The following ZNRF3 variants were observed in gnomAD, a reference collection of about 807,000 sequenced individuals.
ZNRF3 encodes zinc and ring finger 3.
In ZNRF3, 23 loss-of-function variants were observed where a neutral mutation model predicts 72.5. The observed-to-expected ratio is 0.32, with a 90% CI of 0.23 to 0.45. ZNRF3 has a LOEUF of 0.45. Among genes scored for constraint, ZNRF3 ranks in the 20% least tolerant of loss-of-function variants. ZNRF3 has a pLI of 1.00. For synonymous variants in ZNRF3, 610 were observed against 545.3 expected (o/e 1.12, Z -1.65); for missense variants, 1,169 against 1,272.1 (o/e 0.92, Z 1.23).
intron 2 of ZNRF3, among the ~76,000 whole-genome samples, chr22:28,994,905 G>A (rs1360870731): frequency 6.6e-6 from 1 of 152,150 alleles, no homozygotes; most frequent in African/African-American, 2.4e-5. Flanking sequence ...TGAATCCTGG[G>A]GCAAAGCAAA....
At chr22:29,017,025 A>G (rs561262658) in intron 2 of ZNRF3, among the ~76,000 whole-genome samples, 4 of 152,362 alleles carry the variant, frequency 2.6e-5, no homozygotes, top group African/African-American at 9.6e-5. Flanking sequence ...AGTGTCAAAG[A>G]CAGGCCCAGC....
chr22:28,990,758 G>A lies in ZNRF3; in HGVS notation c.426+3557G>A, dbSNP rs373938362. ...GCAAAGGAGTCTATGTTTATGTCCC[G>A]GGCATCTTAACCCTCCAATTCAATC... On this transcript the variant is annotated intron_variant, in intron 2 of 8. Transcript: ENST00000544604. Among the ~76,000 whole-genome samples the A allele has an allele frequency of 5.9e-5, 9 of 152,150 alleles. No individual in the cohort carries two copies. In the South Asian group the frequency reaches 1.0e-3, roughly 18 times the overall value.
chr22:28,947,978 G>A (rs1042067081), intron 1 of ZNRF3, among the ~76,000 whole-genome samples: 1 of 152,046 alleles, frequency 6.6e-6, no homozygotes, highest in African/African-American at 2.4e-5. Context: ...CCAAGTAGCT[G>A]GGACTACAGG....
At chr22:28,913,325 C>T (rs1419682386) in intron 1 of ZNRF3, among the ~76,000 whole-genome samples, 3 of 152,186 alleles carry the variant, frequency 2.0e-5, no homozygotes, top group Admixed American at 6.5e-5. Flanking sequence ...TGTTGAAGAG[C>T]GGTCTTTCAC....
intron 5 of ZNRF3, among the ~76,000 whole-genome samples, chr22:29,045,296 G>A (rs2037045764): frequency 6.7e-6 from 1 of 150,014 alleles, no homozygotes; most frequent in Non-Finnish European, 1.5e-5. Flanking sequence ...AGAGGGCAGA[G>A]GTTGCAATGA....
chr22:29,038,749 A>T (rs1322663223), intron 2 of ZNRF3, among the ~76,000 whole-genome samples: 2 of 152,066 alleles, frequency 1.3e-5, no homozygotes, highest in Admixed American at 6.6e-5. Flanking sequence ...TCCCTTTAGG[A>T]TCTTAGCTTG....
Position 29,006,480 on chromosome 22 carries a change from G to T in ZNRF3, c.426+19279G>T, listed in dbSNP as rs190374677. Among the ~76,000 whole-genome samples the T allele has an allele frequency of 2.7e-3, 412 of 152,266 alleles. 6 individuals are homozygous for T. The Middle Eastern group carries it at 0.041, about 15-fold the overall frequency. On this transcript the variant is annotated intron_variant, in intron 2 of 8. Coordinates refer to ENST00000544604, the MANE Select transcript of ZNRF3 (RefSeq NM_001206998.2). ...GCCTGCCTCGTCCTCCGAAAGTGCT[G>T]GGATTACAGGTGTGAGCCACCGCAC... is the stretch of plus-strand genomic sequence containing the variant.
intron 1 of ZNRF3, among the ~76,000 whole-genome samples, chr22:28,943,682 G>A (rs777246790): frequency 1.3e-5 from 2 of 151,988 alleles, no homozygotes; most frequent in South Asian, 2.1e-4. Context: ...CACATGGGGG[G>A]GGAGGGGTGC....
chr22:28,949,961 A>ATT (rs132560), intron 1 of ZNRF3, among the ~76,000 whole-genome samples: 12 of 150,666 alleles, frequency 8.0e-5, no homozygotes, highest in South Asian at 2.1e-4. Flanking sequence ...GCCACGCAGA[A>ATT]TTTTTTTTTT....
intron 5 of ZNRF3, among the ~76,000 whole-genome samples, chr22:29,046,283 A>G (rs1400169185): frequency 6.6e-6 from 1 of 152,224 alleles, no homozygotes; most frequent in Non-Finnish European, 1.5e-5. Flanking sequence ...ACCCCCAACA[A>G]GATGATGGCT....
chr22:28,919,809 C>T (rs183201598), intron 1 of ZNRF3, among the ~76,000 whole-genome samples: 11 of 151,884 alleles, frequency 7.2e-5, no homozygotes, highest in African/African-American at 2.4e-4. Context: ...ACCTGGCCCC[C>T]TTTACTCTTA....
intron 1 of ZNRF3, among the ~76,000 whole-genome samples, chr22:28,932,409 C>T (rs925102510): frequency 7.2e-5 from 11 of 152,150 alleles, no homozygotes; most frequent in African/African-American, 1.9e-4. Flanking sequence ...CCTGACTTTT[C>T]CTGGTGCCTG....
At chr22:28,977,436 ATCCT>A (rs1317500164) in intron 1 of ZNRF3, among the ~76,000 whole-genome samples, 1 of 152,214 alleles carries the variant, frequency 6.6e-6, no homozygotes, top group African/African-American at 2.4e-5. Context: ...GGGAAAAAAA[ATCCT>A]TATGATTCAA....
intron 1 of ZNRF3, among the ~76,000 whole-genome samples, chr22:28,948,842 T>A (rs538760914): frequency 6.6e-6 from 1 of 152,246 alleles, no homozygotes; most frequent in Non-Finnish European, 1.5e-5. Context: ...GCATTTTGAA[T>A]GGATCTTTTA....
rs1258764501 is a variant in ZNRF3 at position 29,056,323 on chromosome 22, A to T, written c.*2701A>T. The stretch of plus-strand genomic sequence containing the variant: ...TCCATGTTGGTCAGGCTGGTCTTGG[A>T]TTCCCGACCTCAGGTGATCCGCCCA... On this transcript the variant is annotated 3_prime_UTR_variant, in exon 9 of 9. Coordinates refer to ENST00000544604, the MANE Select transcript of ZNRF3 (RefSeq NM_001206998.2). The T allele has an allele frequency of 6.6e-6, 1 of 152,128 alleles. No individual in the cohort carries two copies. The highest frequency in any genetic ancestry group is 1.5e-5 in the Non-Finnish European group (1 of 68,038). The allele number at this position is 152,128 out of a possible 1,614,324, so 9.4% of individuals were successfully genotyped here.
chr22:28,924,231 A>G (rs1177086823), intron 1 of ZNRF3, among the ~76,000 whole-genome samples: 2 of 152,212 alleles, frequency 1.3e-5, no homozygotes, highest in East Asian at 3.8e-4. Context: ...TGGTGGGTCC[A>G]TGGTAGGGCA....
chr22:28,953,299 A>G (rs1046856739), intron 1 of ZNRF3, among the ~76,000 whole-genome samples: 1 of 152,188 alleles, frequency 6.6e-6, no homozygotes, highest in African/African-American at 2.4e-5. Flanking sequence ...AAACCAGATC[A>G]TTCATCTTGA....
At chr22:28,970,775 C>G (rs1033001685) in intron 1 of ZNRF3, among the ~76,000 whole-genome samples, 6 of 152,288 alleles carry the variant, frequency 3.9e-5, no homozygotes, top group African/African-American at 1.2e-4. Flanking sequence ...CATGATACAT[C>G]ATGTTTCCGT....
chr22:28,964,355 C>T (rs1304475187), intron 1 of ZNRF3, among the ~76,000 whole-genome samples: 2 of 152,170 alleles, frequency 1.3e-5, no homozygotes, highest in African/African-American at 4.8e-5. Context: ...TCCTAGAAAG[C>T]TCACCAGCCT....
Sources: gnomAD v4.1 joint callset for allele counts (sites outside exome capture counted in the v4.1 genomes callset) on GRCh38, gnomAD v4.1.1 for gene constraint, MANE v1.5 for transcripts, NCBI Gene and HGNC (gene_info 2026-07-23, HGNC 2026-07-21) for gene names.